PDE4D: variants seen among roughly 807,000 people sequenced by gnomAD.
PDE4D encodes the protein 3',5'-cyclic-AMP phosphodiesterase 4D.
PDE4D carries 24 observed loss-of-function variants against 87.4 expected under a neutral mutation model. The ratio of observed to expected loss-of-function variants is 0.27; its 90% CI spans 0.20 to 0.39. PDE4D has a LOEUF of 0.39. Among genes scored for constraint, PDE4D ranks in the 10% least tolerant of loss-of-function variants. The pLI is 1.00. For missense variants in PDE4D, 714 were observed against 1,041.0 expected (o/e 0.69, Z 4.32); for synonymous variants, 384 against 383.2 (o/e 1.00, Z -0.02).
chr5:59,586,263 C>T, intron 1 of PDE4D: 1 of 1,219,296 alleles, frequency 8.2e-7, no homozygotes, highest in South Asian at 1.2e-5. Flanking sequence ...AAATCCTCAT[C>T]TGGTACCTGT....
intron 1 of PDE4D, among the ~76,000 whole-genome samples, chr5:59,666,102 A>T (rs1449584961): frequency 6.6e-6 from 1 of 152,134 alleles, no homozygotes; most frequent in Non-Finnish European, 1.5e-5. Flanking sequence ...CTGGGACTAC[A>T]GGCATGCGCC....
intron 1 of PDE4D, among the ~76,000 whole-genome samples, chr5:59,843,566 A>C (rs1743374320): frequency 6.6e-6 from 1 of 152,028 alleles, no homozygotes; most frequent in African/African-American, 2.4e-5. Flanking sequence ...ACTTATTTCT[A>C]AGTTCCCATC....
At chr5:60,406,792 CT>C (rs1431587806) in intron 1 of PDE4D, among the ~76,000 whole-genome samples, 8 of 151,938 alleles carry the variant, frequency 5.3e-5, no homozygotes, top group Admixed American at 5.2e-4. Flanking sequence ...ATAAGTATTG[CT>C]GAGAAAATAG....
intron 3 of PDE4D, among the ~76,000 whole-genome samples, chr5:59,960,499 T>C (rs1258577661): frequency 2.6e-5 from 4 of 152,142 alleles, no homozygotes; most frequent in Non-Finnish European, 5.9e-5. Context: ...ATGGTACATA[T>C]ACACTGTGGA....
chr5:59,617,397 G>A (rs765079951), intron 1 of PDE4D, among the ~76,000 whole-genome samples: 5 of 152,094 alleles, frequency 3.3e-5, no homozygotes, highest in African/African-American at 7.2e-5. Context: ...ATAGCACCAC[G>A]AATAAACCCA....
intron 1 of PDE4D, among the ~76,000 whole-genome samples, chr5:59,389,258 CAT>C (rs1343567315): frequency 2.0e-5 from 3 of 151,854 alleles, no homozygotes; most frequent in African/African-American, 7.2e-5. Context: ...AAAAGTATGT[CAT>C]GTTTATGATA....
intron 11 of PDE4D, among the ~76,000 whole-genome samples, chr5:58,982,253 G>A (rs1030930158): frequency 6.6e-6 from 1 of 152,164 alleles, no homozygotes; most frequent in Non-Finnish European, 1.5e-5. Flanking sequence ...TGCTGATTCA[G>A]AGCATATATG....
intron 2 of PDE4D, among the ~76,000 whole-genome samples, chr5:60,051,888 T>G (rs1218759281): frequency 1.3e-5 from 2 of 152,122 alleles, no homozygotes; most frequent in African/African-American, 2.4e-5. Context: ...AAATACAAAT[T>G]ACTATCAGAG....
chr5:59,976,637 G>A (rs886282306), intron 3 of PDE4D, among the ~76,000 whole-genome samples: 17 of 152,116 alleles, frequency 1.1e-4, no homozygotes, highest in African/African-American at 1.7e-4. Flanking sequence ...CCAGTCACAC[G>A]TATTCCTTTA....
chr5:58,978,022 C>T (rs1182718649), intron 11 of PDE4D, among the ~76,000 whole-genome samples: 1 of 152,164 alleles, frequency 6.6e-6, no homozygotes, highest in East Asian at 1.9e-4. Flanking sequence ...GCCACTCTCT[C>T]CCTACTGCCC....
Position 59,518,645 on chromosome 5 carries a change from G to A in PDE4D, c.456-302677C>T, listed in dbSNP as rs114436714. Reference sequence around the variant, plus strand: ...AAGAGGGGAAGATGGCAATAGTCAGGGAATGTTTCATGGCTGAAGGGGTCA... The same window carrying A: ...AAGAGGGGAAGATGGCAATAGTCAGAGAATGTTTCATGGCTGAAGGGGTCA... On this transcript the variant is annotated intron_variant, in intron 1 of 14. Transcript: ENST00000340635. 3.4e-3 allele frequency among the ~76,000 whole-genome samples: 519 copies of A among 152,266 alleles called. 1 individual carries two copies. Among genetic ancestry groups the A allele is most frequent in the African/African-American group, 0.012 (497 of 41,546 alleles).
At position 59,085,647 on chromosome 5, in the gene PDE4D, G is replaced by A. The variant is rs576443920; in HGVS notation, c.809-46676C>T. Among the ~76,000 whole-genome samples, 61 of 152,194 alleles carry A rather than the reference G, an allele frequency of 4.0e-4. 2 individuals carry two copies. The highest frequency in any genetic ancestry group is 3.8e-3 in the Admixed American group (58 of 15,266). ...GGCATAAACTGAGTGTCCCAGGCACGGCAAAATGTGCGGATACCCTGGAGA... is the reference window on the plus strand; with the variant it reads ...GGCATAAACTGAGTGTCCCAGGCACAGCAAAATGTGCGGATACCCTGGAGA... On this transcript the variant is annotated intron_variant, in intron 5 of 14. Coordinates refer to ENST00000340635, the MANE Select transcript of PDE4D (RefSeq NM_001104631.2).
At chr5:60,272,318 G>A (rs996762946) in intron 1 of PDE4D, among the ~76,000 whole-genome samples, 1 of 152,218 alleles carries the variant, frequency 6.6e-6, no homozygotes, top group Non-Finnish European at 1.5e-5. Context: ...TGGAGTGTTT[G>A]TCATCAACCC....
chr5:59,324,434 C>T (rs963442439), intron 1 of PDE4D, among the ~76,000 whole-genome samples: 3 of 152,084 alleles, frequency 2.0e-5, no homozygotes, highest in East Asian at 1.9e-4. Flanking sequence ...CATGAAAGTA[C>T]GATTTCCAAG....
intron 1 of PDE4D, among the ~76,000 whole-genome samples, chr5:59,797,554 T>C (rs1229023832): frequency 1.3e-5 from 2 of 152,202 alleles, no homozygotes; most frequent in Non-Finnish European, 1.5e-5. Context: ...TGAGGATCAC[T>C]CTTTAACTGT....
intron 1 of PDE4D, among the ~76,000 whole-genome samples, chr5:60,399,651 G>A (rs1360589241): frequency 2.0e-5 from 3 of 152,244 alleles, no homozygotes; most frequent in Non-Finnish European, 4.4e-5. Context: ...AACTGTGGTG[G>A]CAGCAGCCAG....
At chr5:60,235,676 C>A (rs1245372403) in intron 1 of PDE4D, among the ~76,000 whole-genome samples, 1 of 151,826 alleles carries the variant, frequency 6.6e-6, no homozygotes, top group Non-Finnish European at 1.5e-5. Flanking sequence ...CCCAGAGAGG[C>A]CAGTAACCTT....
upstream of PDE4D, among the ~76,000 whole-genome samples, chr5:60,492,443 A>G (rs1749582754): frequency 1.3e-5 from 2 of 152,206 alleles, no homozygotes; most frequent in Admixed American, 1.3e-4. Context: ...GTCTCAAAGA[A>G]AAAATTGAAA....
intron 1 of PDE4D, among the ~76,000 whole-genome samples, chr5:59,458,929 A>G (rs975016832): frequency 1.3e-5 from 2 of 152,222 alleles, no homozygotes; most frequent in African/African-American, 4.8e-5. Flanking sequence ...AAAGTGGTAA[A>G]TTAGAAAAAT....
Sources: allele counts gnomAD v4.1 joint callset (sites outside exome capture counted in the v4.1 genomes callset), GRCh38; gene constraint gnomAD v4.1.1; transcripts MANE v1.5; gene names NCBI Gene and HGNC (gene_info 2026-07-23, HGNC 2026-07-21).